JPH4: variants seen among roughly 807,000 people sequenced by gnomAD.
JPH4 encodes junctophilin-4.
Under a neutral mutation model 57.6 loss-of-function variants are expected in JPH4, and 18 were observed. That is an observed-to-expected ratio of 0.31 (90% CI 0.22 to 0.46). The LOEUF (loss-of-function observed/expected upper bound fraction) is 0.46, where lower values mean the gene tolerates loss of function less well. Among genes scored for constraint, JPH4 ranks in the 20% least tolerant of loss-of-function variants. JPH4 has a pLI of 1.00. For synonymous variants in JPH4, 425 were observed against 406.6 expected, an observed-to-expected ratio of 1.05 and a Z score of -0.54; for missense variants, 727 against 911.1, an observed-to-expected ratio of 0.80 and a Z score of 2.60.
rs368597303 is a variant in JPH4, at chr14:23,577,471, C to T, written c.-18G>A. 3 of 1,396,784 alleles carry T rather than the reference C, an allele frequency of 2.1e-6. No homozygotes were observed. The highest frequency in any genetic ancestry group is 2.8e-6 in the Non-Finnish European group (3 of 1,079,612). 86.5% of individuals were successfully genotyped at this position (1,396,784 alleles called of 1,614,324 possible). ...GGGGACATGCATGTAGTTGGCGCGGCCTCAGCCCCCCGGCGGCTCAGCGCA... is the reference window on the plus strand; with the variant it reads ...GGGGACATGCATGTAGTTGGCGCGGTCTCAGCCCCCCGGCGGCTCAGCGCA... On this transcript the variant is annotated 5_prime_UTR_variant, in exon 2 of 6. Coordinates refer to ENST00000356300, the MANE Select transcript of JPH4 (RefSeq NM_001146028.2). This position sits in a 1 kb window ranked among gnomAD's most constrained non-coding sequence, Gnocchi z 8.4.
At chr14:23,570,750 A>G (rs1889111323) in intron 5 of JPH4, among the ~76,000 whole-genome samples, 178 bp downstream of exon 5, 2 of 152,122 alleles carry the variant, frequency 1.3e-5, no homozygotes, top group South Asian at 4.1e-4. Flanking sequence ...GCAGGTGTGT[A>G]AGGTTCCTTC....
intron 5 of JPH4, among the ~76,000 whole-genome samples, chr14:23,570,394 C>G (rs1233137187): frequency 9.2e-5 from 11 of 119,382 alleles, no homozygotes; most frequent in Non-Finnish European, 1.8e-4. Flanking sequence ...TTTTTTGAGA[C>G]AGAGTCTCGC....
chr14:23,577,552 G>C lies in JPH4; in HGVS notation c.-99C>G, dbSNP rs527341446. 2,591 of 1,091,274 alleles carry C rather than the reference G, an allele frequency of 2.4e-3. 18 individuals carry two copies. The highest frequency in any genetic ancestry group is 1.4e-3 in the Non-Finnish European group (1,174 of 825,170). The allele number at this position is 1,091,274 out of a possible 1,614,324, so 67.6% of individuals were successfully genotyped here. A position where few individuals can be genotyped will look rare whatever the true frequency, so the allele number is the denominator to read the frequency against. ...TGGAGCCGGGCGAGGCCTCGGGGCG[G>C]GGGCAGTTAGACCGGGGCCGGGCGG... On this transcript the variant is annotated 5_prime_UTR_variant, in exon 2 of 6. Transcript: ENST00000356300. This position sits in a 1 kb window ranked among gnomAD's most constrained non-coding sequence, Gnocchi z 8.4.
Position 23,573,591 on chromosome 14 carries a change from A to T in JPH4, c.1152-1671T>A, listed in dbSNP as rs574349027. ...CAGTAGACTTAGTCTGTGCTCAGGC[A>T]TCAGACTCAGGCCAGGCTCAGGCTA... is the stretch of plus-strand genomic sequence containing the variant. On this transcript the variant is annotated intron_variant, in intron 3 of 5. Coordinates refer to ENST00000356300, the MANE Select transcript of JPH4 (RefSeq NM_001146028.2). Among the ~76,000 whole-genome samples the T allele has an allele frequency of 2.0e-4, 30 of 152,334 alleles. 1 individual carries two copies. The highest frequency in any genetic ancestry group is 7.2e-4 in the African/African-American group (30 of 41,580).
At chr14:23,574,539 G>A (rs761641728) in intron 3 of JPH4, among the ~76,000 whole-genome samples, 10 of 152,270 alleles carry the variant, frequency 6.6e-5, no homozygotes, top group Non-Finnish European at 1.0e-4. Flanking sequence ...CATTTGAAAC[G>A]TGTCTAGTCT....
chr14:23,572,458 C>T (rs542382681), intron 3 of JPH4, among the ~76,000 whole-genome samples: 5 of 152,060 alleles, frequency 3.3e-5, no homozygotes, highest in South Asian at 2.1e-4. Context: ...CAAGCAGCTT[C>T]GCCCCTGCCC....
intron 3 of JPH4, among the ~76,000 whole-genome samples, chr14:23,574,603 CCACCTTGCTGCT>C (rs1463505085): frequency 6.6e-6 from 1 of 152,220 alleles, no homozygotes; most frequent in Non-Finnish European, 1.5e-5. Context: ...CCCGTGCTGC[CCACCTTGCTGCT>C]CACCTCGCTG....
rs926899111 is a variant in JPH4 at position 23,571,681 on chromosome 14, C to T, written c.1270+121G>A. 2.7e-5 allele frequency: 30 copies of T among 1,093,070 alleles called. No homozygotes were observed. The Middle Eastern group carries it at 1.1e-3, about 41-fold the overall frequency. The allele number at this position is 1,093,070 out of a possible 1,614,324, so 67.7% of individuals were successfully genotyped here. A position where few individuals can be genotyped will look rare whatever the true frequency, so the allele number is the denominator to read the frequency against. On this transcript the variant is annotated intron_variant, in intron 4 of 5. Transcript: ENST00000356300. This position sits in a 1 kb window ranked among gnomAD's most constrained non-coding sequence, Gnocchi z 4.6. ...CCCCACCCTGTGTTCCTTGCACCCTCATTCCTTGTTTTTTCCCATCCCCAC... is the reference window on the plus strand; with the variant it reads ...CCCCACCCTGTGTTCCTTGCACCCTTATTCCTTGTTTTTTCCCATCCCCAC...
rs767616542 is a variant in JPH4 at position 23,575,642 on chromosome 14, C to G, written c.1151+43G>C. The G allele has an allele frequency of 1.0e-5, 16 of 1,564,014 alleles. No homozygotes were observed. In the South Asian group the frequency reaches 1.8e-4, roughly 17 times the overall value. On this transcript the variant is annotated intron_variant, in intron 3 of 5. Transcript: ENST00000356300. The surrounding 1 kb of genome is among the most constrained non-coding windows in gnomAD (Gnocchi z 6.9). Reference sequence around the variant, plus strand: ...CCGCCTTCCTGGTCCCCAGCGCACCCCCTCCTCTTAGCCCAGCTTTGGCCT... The same window carrying G: ...CCGCCTTCCTGGTCCCCAGCGCACCGCCTCCTCTTAGCCCAGCTTTGGCCT...
chr14:23,573,467 A>G (rs1280079447), intron 3 of JPH4, among the ~76,000 whole-genome samples: 1 of 152,186 alleles, frequency 6.6e-6, no homozygotes, highest in East Asian at 1.9e-4. Flanking sequence ...CGTGAGGATC[A>G]TGGTCTTGGG....
rs778863763 is a variant in JPH4 at position 23,577,361 on chromosome 14, C to T, written c.93G>A (p.Thr31=). 1.1e-5 allele frequency: 17 copies of T among 1,520,500 alleles called. No homozygotes were observed. Among genetic ancestry groups the T allele is most frequent in the South Asian group, 1.2e-5 (1 of 82,010 alleles). The allele number at this position is 1,520,500 out of a possible 1,614,324, so 94.2% of individuals were successfully genotyped here. The part of the protein sequence containing the change: ...AGRAHGYGVC[T]GPGAQGEYSG... ...TGTACTCGCCCTGGGCGCCGGGGCC[C>T]GTGCACACGCCGTAGCCATGTGCCC... Residue 31 remains threonine, a synonymous_variant, in exon 2 of 6, where the codon ACG becomes ACA. Transcript: ENST00000356300. The surrounding 1 kb of genome is among the most constrained non-coding windows in gnomAD (Gnocchi z 8.4).
chr14:23,569,757 A>T lies in JPH4; in HGVS notation c.1804-40T>A, dbSNP rs1000255769. 14 of 1,383,902 alleles carry T rather than the reference A, an allele frequency of 1.0e-5. No individual in the cohort carries two copies. The highest frequency in any genetic ancestry group is 1.4e-5 in the Non-Finnish European group (14 of 1,001,686). The allele number at this position is 1,383,902 out of a possible 1,614,324, so 85.7% of individuals were successfully genotyped here. A position where few individuals can be genotyped will look rare whatever the true frequency, so the allele number is the denominator to read the frequency against. ...GGGGAAGCAGACTCAGTCCCCGAGG[A>T]CAGGGCCCACCTTCCTGCCCTGACT... On this transcript the variant is annotated intron_variant, in intron 5 of 5. Transcript: ENST00000356300. This position sits in a 1 kb window ranked among gnomAD's most constrained non-coding sequence, Gnocchi z 4.8.
At chr14:23,570,685 C>T (rs1369596010) in intron 5 of JPH4, among the ~76,000 whole-genome samples, 1 of 152,180 alleles carries the variant, frequency 6.6e-6, no homozygotes, top group Non-Finnish European at 1.5e-5. Context: ...GGGCAAGTTA[C>T]TTTAAGTGCT....
In JPH4 at chr14:23,571,770, C is replaced by G. The variant is rs1436297330; in HGVS notation, c.1270+32G>C. ...AGCCTCTCTAGCTCCCTAGGGGCCT[C>G]ACTGCCCTCCCCCCAGCTGTCCATG... On this transcript the variant is annotated intron_variant, in intron 4 of 5. Coordinates refer to ENST00000356300, the MANE Select transcript of JPH4 (RefSeq NM_001146028.2). This position sits in a 1 kb window ranked among gnomAD's most constrained non-coding sequence, Gnocchi z 4.6. 6.3e-7 allele frequency: 1 copy of G among 1,585,626 alleles called. No homozygotes were observed. The highest frequency in any genetic ancestry group is 1.3e-5 in the African/African-American group (1 of 74,518).
In JPH4 at chr14:23,570,964, G is replaced by A. The variant is rs549886279; in HGVS notation, c.1767C>T (p.Leu589=). 2.6e-6 allele frequency: 4 copies of A among 1,522,582 alleles called. No homozygotes were observed. The highest frequency in any genetic ancestry group is 2.2e-5 in the Admixed American group (1 of 46,012). 94.3% of individuals were successfully genotyped at this position (1,522,582 alleles called of 1,614,324 possible). ...GCCTCTCGGTTGCAGCGGGCTCCCC[G>A]AGCTCTTCTGTCAGGCACCCAGCAT... is the stretch of plus-strand genomic sequence containing the variant. ...GPDAGCLTEE[L]GEPAATERPA... is the part of the protein sequence containing the mutation. Residue 589 remains leucine, a synonymous_variant, in exon 5 of 6, where the codon CTC becomes CTT. Coordinates refer to ENST00000356300, the MANE Select transcript of JPH4 (RefSeq NM_001146028.2).
chr14:23,577,818 C>A lies in JPH4; in HGVS notation c.-171-194G>T. 1 of 176,748 alleles carries A rather than the reference C, an allele frequency of 5.7e-6. No individual in the cohort carries two copies. 10.9% of individuals were successfully genotyped at this position (176,748 alleles called of 1,614,324 possible). Reference sequence around the variant, plus strand: ...CATTTCTGTCTTTGTGGAGCGGGCCCCTCCCAGGACTTGGGGCCCCAACCC... The same window carrying A: ...CATTTCTGTCTTTGTGGAGCGGGCCACTCCCAGGACTTGGGGCCCCAACCC... On this transcript the variant is annotated intron_variant, in intron 1 of 5. Coordinates refer to ENST00000356300, the MANE Select transcript of JPH4 (RefSeq NM_001146028.2). The surrounding 1 kb of genome is among the most constrained non-coding windows in gnomAD (Gnocchi z 8.4).
rs761693818 is a variant in JPH4, at chr14:23,577,468, C to G, written c.-15G>C. The G allele has an allele frequency of 3.3e-5, 46 of 1,398,042 alleles. No homozygotes were observed. The highest frequency in any genetic ancestry group is 3.7e-6 in the Non-Finnish European group (4 of 1,079,914). The allele number at this position is 1,398,042 out of a possible 1,614,324, so 86.6% of individuals were successfully genotyped here. A position where few individuals can be genotyped will look rare whatever the true frequency, so the allele number is the denominator to read the frequency against. ...CCGGGGGACATGCATGTAGTTGGCG[C>G]GGCCTCAGCCCCCCGGCGGCTCAGC... is the stretch of plus-strand genomic sequence containing the variant. On this transcript the variant is annotated 5_prime_UTR_variant, in exon 2 of 6. Coordinates refer to ENST00000356300, the MANE Select transcript of JPH4 (RefSeq NM_001146028.2). The surrounding 1 kb of genome is among the most constrained non-coding windows in gnomAD (Gnocchi z 8.4).
rs1889278431 is a variant in JPH4 at position 23,576,573 on chromosome 14, A to G, written c.380-117T>C. ...TCAGGCGGGAGAGATGGAGGCAGTT[A>G]GTGTGGAGGTCGGGGAAGGGCACTG... On this transcript the variant is annotated intron_variant, in intron 2 of 5. Transcript: ENST00000356300. The surrounding 1 kb of genome is among the most constrained non-coding windows in gnomAD (Gnocchi z 8.0). 1 of 880,106 alleles carries G rather than the reference A, an allele frequency of 1.1e-6. No individual in the cohort carries two copies. The highest frequency in any genetic ancestry group is 1.5e-6 in the Non-Finnish European group (1 of 652,210). 54.5% of individuals were successfully genotyped at this position (880,106 alleles called of 1,614,324 possible).
chr14:23,576,002 G>A lies in JPH4; in HGVS notation c.834C>T (p.Ala278=). 1 of 1,439,702 alleles carries A rather than the reference G, an allele frequency of 6.9e-7. No homozygotes were observed. The highest frequency in any genetic ancestry group is 2.7e-5 in the East Asian group (1 of 36,862). 89.2% of individuals were successfully genotyped at this position (1,439,702 alleles called of 1,614,324 possible). A position where few individuals can be genotyped will look rare whatever the true frequency, so the allele number is the denominator to read the frequency against. The change falls in exon 3 of 6, where the codon GCC becomes GCT. Residue 278 remains alanine (A), a synonymous_variant. Transcript: ENST00000356300. This position sits in a 1 kb window ranked among gnomAD's most constrained non-coding sequence, Gnocchi z 8.0. ...AAPPALIEGS[A]TEVYAGEWRA... is the part of the protein sequence containing the mutation. ...GCCACTCGCCCGCGTACACCTCTGT[G>A]GCCGAGCCCTCGATGAGGGCGGGCG... is the stretch of plus-strand genomic sequence containing the variant.
Sources: allele counts gnomAD v4.1 joint callset (sites outside exome capture counted in the v4.1 genomes callset), GRCh38; gene constraint gnomAD v4.1.1; non-coding constraint Gnocchi (gnomAD v3.1); transcripts MANE v1.5; gene names NCBI Gene and HGNC (gene_info 2026-07-23, HGNC 2026-07-21).